GFI1: variants seen among roughly 807,000 people sequenced by gnomAD.
GFI1 encodes the protein zinc finger protein Gfi-1.
A neutral mutation model predicts 39.2 loss-of-function variants in GFI1; 15 were observed. The ratio of observed to expected loss-of-function variants is 0.38; its 90% CI spans 0.26 to 0.59. The LOEUF (loss-of-function observed/expected upper bound fraction) is 0.59. GFI1 is among the 20% of genes least tolerant of loss of function. GFI1 has a pLI of 0.62. For synonymous variants in GFI1, 239 were observed against 254.3 expected (o/e 0.94, Z 0.57); for missense variants, 475 against 574.0 (o/e 0.83, Z 1.76).
Position 92,478,757 on chromosome 1 carries a change from CAGAGAGAGAGAGAG to C in GFI1, c.925-18_925-5del, listed in dbSNP as rs35896485. The C allele has an allele frequency of 3.3e-5, 50 of 1,520,902 alleles. No homozygotes were observed. The highest frequency in any genetic ancestry group is 2.0e-4 in the East Asian group (8 of 40,948). 94.2% of individuals were successfully genotyped at this position (1,520,902 alleles called of 1,614,324 possible). ...TCTTACAGTCAAAGCTCCGTTCCTG[CAGAGAGAGAGAGAG>C]AGAGAGAGAGAGAGAGAGAGAGATG... On this transcript the variant is annotated splice_polypyrimidine_tract_variant and splice_region_variant and intron_variant, in intron 5 of 6. Coordinates refer to ENST00000294702, the MANE Select transcript of GFI1 (RefSeq NM_005263.5).
At position 92,480,793 on chromosome 1, in the gene GFI1, C is replaced by T. The variant is rs1470754174; in HGVS notation, c.594G>A (p.Gly198=). 3.8e-6 allele frequency: 6 copies of T among 1,596,786 alleles called. No individual in the cohort carries two copies. Among genetic ancestry groups the T allele is most frequent in the Non-Finnish European group, 5.1e-6 (6 of 1,175,294 alleles). The change falls in exon 4 of 7, where the codon GGG becomes GGA. Residue 198 remains glycine, a synonymous_variant. Coordinates refer to ENST00000294702, the MANE Select transcript of GFI1 (RefSeq NM_005263.5). The surrounding 1 kb of genome is among the most constrained non-coding windows in gnomAD (Gnocchi z 5.6). ...GAGATAGPGL[G]LYGDFGSAAA... is the part of the protein sequence containing the mutation. ...CCGCAGACCCGAAGTCGCCGTAGAGCCCTAGGCCAGGGCCAGCGGTGGCAC... is the reference window on the plus strand; with the variant it reads ...CCGCAGACCCGAAGTCGCCGTAGAGTCCTAGGCCAGGGCCAGCGGTGGCAC...
In GFI1 at chr1:92,484,627, C is replaced by T. The variant is rs918363175; in HGVS notation, c.-99-1041G>A. 2 of 152,240 alleles carry T rather than the reference C, an allele frequency of 1.3e-5. No homozygotes were observed. Among genetic ancestry groups the T allele is most frequent in the Admixed American group, 6.5e-5 (1 of 15,288 alleles). The allele number at this position is 152,240 out of a possible 1,614,324, so 9.4% of individuals were successfully genotyped here. ...CCGGGCCCGGGAGGGAACTAGCTGC[C>T]CGGGGCGTCGCTCTCATTAACCCCC... On this transcript the variant is annotated intron_variant, in intron 1 of 6. Transcript: ENST00000294702. This position sits in a 1 kb window ranked among gnomAD's most constrained non-coding sequence, Gnocchi z 4.1.
Position 92,482,427 on chromosome 1 carries a change from C to CG in GFI1, c.298+436_298+437insC, listed in dbSNP as rs974564386. On this transcript the variant is annotated intron_variant, in intron 3 of 6. Transcript: ENST00000294702. This position sits in a 1 kb window ranked among gnomAD's most constrained non-coding sequence, Gnocchi z 4.4. The stretch of plus-strand genomic sequence containing the variant: ...CGCGGGCTGAGATTTTCGTCCTGCC[C>CG]CCTCCCTGCCGCCCAGCGCCTAGCT... 4.9e-4 allele frequency among the ~76,000 whole-genome samples: 75 copies of CG among 151,856 alleles called. No homozygotes were observed. Among genetic ancestry groups the CG allele is most frequent in the Non-Finnish European group, 9.9e-4 (67 of 67,974 alleles).
rs1658332968 is a variant in GFI1 at position 92,482,877 on chromosome 1, G to A, written c.285C>T (p.Pro95=). 2 of 1,613,864 alleles carry A rather than the reference G, an allele frequency of 1.2e-6. No individual in the cohort carries two copies. Among genetic ancestry groups the A allele is most frequent in the African/African-American group, 1.3e-5 (1 of 74,938 alleles). The stretch of plus-strand genomic sequence containing the variant: ...GTGGGTTCCTACCTGGAGACGCGGA[G>A]GGTGACGGGGGCCTCCAGAAGTCCT... ...EFEDFWRPPS[P]SASPASEKSM... is the part of the protein sequence containing the mutation. The change falls in exon 3 of 7, where the codon CCC becomes CCT. Residue 95 remains proline (P), a synonymous_variant. Transcript: ENST00000294702. The surrounding 1 kb of genome is among the most constrained non-coding windows in gnomAD (Gnocchi z 4.4).
rs1217197184 is a variant in GFI1, at chr1:92,474,938, C to A, written c.*1091G>T. The A allele has an allele frequency of 6.6e-6, 1 of 152,316 alleles. No homozygotes were observed. The highest frequency in any genetic ancestry group is 1.5e-5 in the Non-Finnish European group (1 of 68,026). The allele number at this position is 152,316 out of a possible 1,614,324, so 9.4% of individuals were successfully genotyped here. A position where few individuals can be genotyped will look rare whatever the true frequency, so the allele number is the denominator to read the frequency against. On this transcript the variant is annotated 3_prime_UTR_variant, in exon 7 of 7. Coordinates refer to ENST00000294702, the MANE Select transcript of GFI1 (RefSeq NM_005263.5). ...AAGAGTTGAAGACAGAGCCTTCCTT[C>A]CCACATGCCTGCTAGCTCAGAAATC...
chr1:92,485,175 C>T (rs1415014751), intron 1 of GFI1, among the ~76,000 whole-genome samples: 2 of 152,212 alleles, frequency 1.3e-5, no homozygotes, highest in Non-Finnish European at 2.9e-5. Context: ...GCTACCCAAG[C>T]GCCAGAATGC....
chr1:92,473,333 C>T lies in GFI1; in HGVS notation c.*2696G>A, dbSNP rs1470477906. Among the ~76,000 whole-genome samples the T allele has an allele frequency of 2.0e-5, 3 of 152,112 alleles. No individual in the cohort carries two copies. Among genetic ancestry groups the T allele is most frequent in the Non-Finnish European group, 2.9e-5 (2 of 68,026 alleles). On this transcript the variant is annotated 3_prime_UTR_variant, in exon 7 of 7. Coordinates refer to ENST00000294702, the MANE Select transcript of GFI1 (RefSeq NM_005263.5). ...TAGATTTCAATCAGTTCTACTTACC[C>T]CTCAGTGCAACTTCTTTACTTTTCA...
chr1:92,478,872 T>C, intron 5 of GFI1, 119 bp from the exon 6 acceptor site: 1 of 1,355,160 alleles, frequency 7.4e-7, no homozygotes, highest in Non-Finnish European at 1.0e-6. Context: ...TTGAACACTT[T>C]TTCTTTCTTT....
At chr1:92,483,238 A>C in intron 2 of GFI1, 135 bp downstream of exon 2, 1 of 733,012 alleles carries the variant, frequency 1.4e-6, no homozygotes, top group Non-Finnish European at 2.3e-6. Flanking sequence ...ACCCGGAGGA[A>C]CCAGGACAGT....
Position 92,480,358 on chromosome 1 carries a change from A to C in GFI1, c.914T>G (p.Val305Gly). Residue 305 changes from valine to glycine, a missense_variant, in exon 5 of 7, where the codon GTG becomes GGG. This residue lies in a region of GFI1 where 112 missense variants were observed against 202.8 expected (regional missense o/e 0.55). Transcript: ENST00000294702. This position sits in a 1 kb window ranked among gnomAD's most constrained non-coding sequence, Gnocchi z 5.6. Reference protein sequence around the residue: ...HAVSLEQHKAVHSQERSFDCK... With the variant: ...HAVSLEQHKAGHSQERSFDCK... ...GCGCCCCGCGCTTACCTGCGAGTGC[A>C]CGGCTTTGTGCTGCTCCAGGCTCAC... is the stretch of plus-strand genomic sequence containing the variant. 1 of 1,549,738 alleles carries C rather than the reference A, an allele frequency of 6.5e-7. No individual in the cohort carries two copies. Among genetic ancestry groups the C allele is most frequent in the Non-Finnish European group, 8.7e-7 (1 of 1,146,622 alleles).
Position 92,475,847 on chromosome 1 carries a change from A to G in GFI1, c.*182T>C, listed in dbSNP as rs1214236232. 6.3e-6 allele frequency: 4 copies of G among 631,842 alleles called. No individual in the cohort carries two copies. In the East Asian group the frequency reaches 8.2e-5, roughly 13 times the overall value. The allele number at this position is 631,842 out of a possible 1,614,324, so 39.1% of individuals were successfully genotyped here. A position where few individuals can be genotyped will look rare whatever the true frequency, so the allele number is the denominator to read the frequency against. ...CGGCTGCACTTTGAAAAGGTACCTC[A>G]TTTCTTCTGGCAGCTCCAGGAGGTA... On this transcript the variant is annotated 3_prime_UTR_variant, in exon 7 of 7. Coordinates refer to ENST00000294702, the MANE Select transcript of GFI1 (RefSeq NM_005263.5).
intron 2 of GFI1, 121 bp from the exon 3 acceptor site, chr1:92,483,167 G>C: frequency 1.0e-6 from 1 of 979,378 alleles, no homozygotes; most frequent in South Asian, 1.7e-5. Flanking sequence ...CCCAGACCCC[G>C]GCCGGGAACC....
chr1:92,484,351 GGCACCGGTCGAGGCTGCGGCGA>G lies in GFI1; in HGVS notation c.-99-787_-99-766del, dbSNP rs1469850691. On this transcript the variant is annotated intron_variant, in intron 1 of 6. Coordinates refer to ENST00000294702, the MANE Select transcript of GFI1 (RefSeq NM_005263.5). The surrounding 1 kb of genome is among the most constrained non-coding windows in gnomAD (Gnocchi z 4.1). Reference sequence around the variant, plus strand: ...TGCCCTTGGACTCCCGGCTGCGGCGGGCACCGGTCGAGGCTGCGGCGAGCCATCCCAGACCATGGAGACCTAA... The same window carrying G: ...TGCCCTTGGACTCCCGGCTGCGGCGGGCCATCCCAGACCATGGAGACCTAA... The G allele has an allele frequency of 6.5e-6, 1 of 152,782 alleles. No homozygotes were observed. The highest frequency in any genetic ancestry group is 2.4e-5 in the African/African-American group (1 of 41,464). 9.5% of individuals were successfully genotyped at this position (152,782 alleles called of 1,614,324 possible).
rs1192543759 is a variant in GFI1 at position 92,474,801 on chromosome 1, A to T, written c.*1228T>A. On this transcript the variant is annotated 3_prime_UTR_variant, in exon 7 of 7. Coordinates refer to ENST00000294702, the MANE Select transcript of GFI1 (RefSeq NM_005263.5). Reference sequence around the variant, plus strand: ...TTTATTAACTTAAAACATCACTCTAATAAATATGTATTAACAAACATAATG... The same window carrying T: ...TTTATTAACTTAAAACATCACTCTATTAAATATGTATTAACAAACATAATG... The T allele has an allele frequency of 6.6e-6, 1 of 152,638 alleles. No homozygotes were observed. Among genetic ancestry groups the T allele is most frequent in the Non-Finnish European group, 1.5e-5 (1 of 68,040 alleles). 9.5% of individuals were successfully genotyped at this position (152,638 alleles called of 1,614,324 possible).
rs1657891012 is a variant in GFI1 at position 92,475,058 on chromosome 1, AG to A, written c.*970del. The A allele has an allele frequency of 6.6e-6, 1 of 152,218 alleles. No individual in the cohort carries two copies. The highest frequency in any genetic ancestry group is 2.1e-4 in the South Asian group (1 of 4,832). The allele number at this position is 152,218 out of a possible 1,614,324, so 9.4% of individuals were successfully genotyped here. A position where few individuals can be genotyped will look rare whatever the true frequency, so the allele number is the denominator to read the frequency against. On this transcript the variant is annotated 3_prime_UTR_variant, in exon 7 of 7. Transcript: ENST00000294702. ...TTGTTTACACCTGATAAAATCCAAA[AG>A]GGTCAAAAGGGAAGGTTTACAATTC...
Position 92,480,307 on chromosome 1 carries a change from C to A in GFI1, c.924+41G>T, listed in dbSNP as rs1458783087. The A allele has an allele frequency of 2.6e-6, 4 of 1,538,698 alleles. No individual in the cohort carries two copies. Among genetic ancestry groups the A allele is most frequent in the Non-Finnish European group, 3.5e-6 (4 of 1,144,248 alleles). On this transcript the variant is annotated intron_variant, in intron 5 of 6. Coordinates refer to ENST00000294702, the MANE Select transcript of GFI1 (RefSeq NM_005263.5). This position sits in a 1 kb window ranked among gnomAD's most constrained non-coding sequence, Gnocchi z 5.6. Reference sequence around the variant, plus strand: ...GCTGCACCGAGGAGATGCAGAAGATCCCCGAGCAGGGCCGCGCGCGGCGGT... The same window carrying A: ...GCTGCACCGAGGAGATGCAGAAGATACCCGAGCAGGGCCGCGCGCGGCGGT...
Position 92,484,916 on chromosome 1 carries a change from G to T in GFI1, c.-99-1330C>A, listed in dbSNP as rs918309053. Among the ~76,000 whole-genome samples, 1 of 152,206 alleles carries T rather than the reference G, an allele frequency of 6.6e-6. No individual in the cohort carries two copies. Among genetic ancestry groups the T allele is most frequent in the African/African-American group, 2.4e-5 (1 of 41,454 alleles). ...GCCGGGGCAGGACCTGCAGTCCTCC[G>T]GCTTCGCGCTGTTTCCACTGCCGGA... is the stretch of plus-strand genomic sequence containing the variant. On this transcript the variant is annotated intron_variant, in intron 1 of 6. Transcript: ENST00000294702. The surrounding 1 kb of genome is among the most constrained non-coding windows in gnomAD (Gnocchi z 4.1).
In GFI1 at chr1:92,482,842, G is replaced by C. The variant is rs1181206601; in HGVS notation, c.298+22C>G. ...CCGGGTCCCTGCAGCTCCCGCCCAA[G>C]AGGTTCCCAGTGGGTTCCTACCTGG... is the stretch of plus-strand genomic sequence containing the variant. On this transcript the variant is annotated intron_variant, in intron 3 of 6. Transcript: ENST00000294702. The surrounding 1 kb of genome is among the most constrained non-coding windows in gnomAD (Gnocchi z 4.4). 1 of 1,604,298 alleles carries C rather than the reference G, an allele frequency of 6.2e-7. No homozygotes were observed. The highest frequency in any genetic ancestry group is 1.3e-5 in the African/African-American group (1 of 74,748).
rs1398845484 is a variant in GFI1 at position 92,475,246 on chromosome 1, C to T, written c.*783G>A. 1 of 152,274 alleles carries T rather than the reference C, an allele frequency of 6.6e-6. No individual in the cohort carries two copies. The highest frequency in any genetic ancestry group is 1.9e-4 in the East Asian group (1 of 5,188). The allele number at this position is 152,274 out of a possible 1,614,324, so 9.4% of individuals were successfully genotyped here. A position where few individuals can be genotyped will look rare whatever the true frequency, so the allele number is the denominator to read the frequency against. ...ACCTTGGTAGCCGGTGATCCATGAA[C>T]ATTTGCTGAGTGAATGAATGACATC... On this transcript the variant is annotated 3_prime_UTR_variant, in exon 7 of 7. Transcript: ENST00000294702.
Sources: gnomAD v4.1 joint callset for allele counts (sites outside exome capture counted in the v4.1 genomes callset) on GRCh38, gnomAD v4.1.1 for gene constraint, gnomAD v4.1.1 regional missense constraint, Gnocchi (gnomAD v3.1) non-coding constraint, MANE v1.5 for transcripts, NCBI Gene and HGNC (gene_info 2026-07-23, HGNC 2026-07-21) for gene names.